SLC44A5: variants seen among roughly 807,000 people sequenced by gnomAD.
The protein encoded by SLC44A5 is choline transporter-like protein 5.
A neutral mutation model predicts 101.8 loss-of-function variants in SLC44A5; 57 were observed. That is an observed-to-expected ratio of 0.56 (90% CI 0.45 to 0.70). The LOEUF is 0.70. SLC44A5 is among the 30% of genes least tolerant of loss of function. The pLI is 0.00. For missense variants in SLC44A5, 737 were observed against 853.1 expected (o/e 0.86, Z 1.70); for synonymous variants, 281 against 290.9 (o/e 0.97, Z 0.35).
intron 2 of SLC44A5, among the ~76,000 whole-genome samples, chr1:75,532,769 G>A (rs796586412): frequency 6.6e-5 from 10 of 152,250 alleles, no homozygotes; most frequent in African/African-American, 2.4e-4. Flanking sequence ...GCTGGGTGTG[G>A]TGGCTCATGC....
the SLC44A5 span, among the ~76,000 whole-genome samples, chr1:75,662,520 C>T: frequency 6.6e-6 from 1 of 151,926 alleles, no homozygotes; most frequent in African/African-American, 2.4e-5. Context: ...TGGAATGCTC[C>T]CAACACAAAG....
intron 21 of SLC44A5, 35 bp downstream of exon 21, chr1:75,213,884 C>CTTT (rs71697809): frequency 1.0e-3 from 1,430 of 1,424,498 alleles, no homozygotes; most frequent in Middle Eastern, 1.5e-3. Context: ...ATCTTTTAAA[C>CTTT]TTTTTTTTTT....
At chr1:75,692,087 G>A in the SLC44A5 span, among the ~76,000 whole-genome samples, 2 of 152,040 alleles carry the variant, frequency 1.3e-5, no homozygotes, top group East Asian at 3.9e-4. Context: ...TCCTGCTAAT[G>A]GGAATGATCC....
At chr1:75,456,267 C>T (rs1448205233) in intron 2 of SLC44A5, among the ~76,000 whole-genome samples, 1 of 152,130 alleles carries the variant, frequency 6.6e-6, no homozygotes, top group Non-Finnish European at 1.5e-5. Flanking sequence ...GAAAACCAAA[C>T]ACTGCATGTT....
At chr1:75,458,370 A>G (rs1189758586) in intron 2 of SLC44A5, among the ~76,000 whole-genome samples, 1 of 152,196 alleles carries the variant, frequency 6.6e-6, no homozygotes, top group African/African-American at 2.4e-5. Context: ...ACATCCTGCT[A>G]AGAATCTTGA....
the SLC44A5 span, among the ~76,000 whole-genome samples, chr1:75,688,324 T>G: frequency 6.6e-6 from 1 of 152,226 alleles, no homozygotes; most frequent in Non-Finnish European, 1.5e-5. Context: ...CCCATCTTTC[T>G]TTAAACCTTG....
chr1:75,335,773 A>T (rs1657394665), intron 4 of SLC44A5, among the ~76,000 whole-genome samples: 1 of 152,224 alleles, frequency 6.6e-6, no homozygotes, highest in East Asian at 1.9e-4. Context: ...CTTAGAAAAC[A>T]GTGCTATTTT....
At chr1:75,639,107 G>A in the SLC44A5 span, among the ~76,000 whole-genome samples, 2 of 152,032 alleles carry the variant, frequency 1.3e-5, no homozygotes, top group Non-Finnish European at 2.9e-5. Context: ...TCAGTTAGAT[G>A]AGAGGAATAA....
At chr1:75,613,560 T>C (rs528453113), upstream of SLC44A5, among the ~76,000 whole-genome samples, 3 of 152,372 alleles carry the variant, frequency 2.0e-5, no homozygotes, top group South Asian at 2.1e-4. Flanking sequence ...TAAATGAACT[T>C]GTTTTAAAAA....
chr1:75,233,075 A>G (rs1267711470), intron 12 of SLC44A5, among the ~76,000 whole-genome samples: 1 of 152,146 alleles, frequency 6.6e-6, no homozygotes, highest in East Asian at 1.9e-4. Context: ...TAGAAGACTG[A>G]AAGGAAGCTT....
At chr1:75,592,976 T>C (rs1260830469) in intron 1 of SLC44A5, among the ~76,000 whole-genome samples, 1 of 151,952 alleles carries the variant, frequency 6.6e-6, no homozygotes, top group East Asian at 1.9e-4. Context: ...GCAACCAAAG[T>C]AAACATGAAC....
intron 3 of SLC44A5, among the ~76,000 whole-genome samples, chr1:75,364,933 TATA>T (rs1192762234): frequency 6.6e-6 from 1 of 152,098 alleles, no homozygotes; most frequent in Admixed American, 6.6e-5. Flanking sequence ...TTTTCTTATT[TATA>T]ATTATTTCTA....
upstream of SLC44A5, among the ~76,000 whole-genome samples, chr1:75,614,059 A>G (rs1196229638): frequency 6.6e-6 from 1 of 152,206 alleles, no homozygotes; most frequent in South Asian, 2.1e-4. Flanking sequence ...AATGAAATGT[A>G]TTTCTGCCAA....
intron 1 of SLC44A5, among the ~76,000 whole-genome samples, chr1:75,553,598 G>A (rs1672057571): frequency 6.6e-6 from 1 of 152,198 alleles, no homozygotes; most frequent in African/African-American, 2.4e-5. Context: ...GAATGGGGGA[G>A]AAGGGAGGAA....
chr1:75,402,690 C>T (rs190915335), intron 2 of SLC44A5, among the ~76,000 whole-genome samples: 168 of 152,142 alleles, frequency 1.1e-3, no homozygotes, highest in African/African-American at 3.8e-3. Flanking sequence ...TCTTCACAAC[C>T]CACAGATTAG....
chr1:75,402,495 T>C, intron 2 of SLC44A5: 1 of 362,736 alleles, frequency 2.8e-6, no homozygotes, highest in Non-Finnish European at 5.7e-6. Context: ...ACCCTGCTCA[T>C]CTCATAGGGA....
At chr1:75,431,793 G>A (rs900378069) in intron 2 of SLC44A5, among the ~76,000 whole-genome samples, 1 of 152,150 alleles carries the variant, frequency 6.6e-6, no homozygotes, top group Non-Finnish European at 1.5e-5. Context: ...GAGAAGGGGA[G>A]GAATAGGTCA....
At chr1:75,294,831 A>G (rs1252356496) in intron 5 of SLC44A5, among the ~76,000 whole-genome samples, 1 of 152,148 alleles carries the variant, frequency 6.6e-6, no homozygotes, top group African/African-American at 2.4e-5. Flanking sequence ...AAAATACTCC[A>G]ACTCATAGAA....
intron 2 of SLC44A5, among the ~76,000 whole-genome samples, chr1:75,424,167 T>C (rs1317896809): frequency 6.6e-6 from 1 of 152,226 alleles, no homozygotes; most frequent in African/African-American, 2.4e-5. Flanking sequence ...ATAATATAAT[T>C]GTAACCATAT....
Sources: allele counts gnomAD v4.1 joint callset (sites outside exome capture counted in the v4.1 genomes callset), GRCh38; gene constraint gnomAD v4.1.1; transcripts MANE v1.5; gene names NCBI Gene and HGNC (gene_info 2026-07-23, HGNC 2026-07-21).